IL2RB: variants seen among roughly 807,000 people sequenced by gnomAD.
IL2RB encodes interleukin-2 receptor subunit beta.
IL2RB carries 17 observed loss-of-function variants against 44.2 expected under a neutral mutation model. The observed-to-expected ratio is 0.38, with a 90% CI of 0.26 to 0.58. The LOEUF (loss-of-function observed/expected upper bound fraction) is 0.58, where lower values mean the gene tolerates loss of function less well. Ranked by LOEUF, IL2RB falls within the 20% of genes least tolerant of loss-of-function variation. The pLI, the probability that IL2RB is intolerant of heterozygous loss-of-function variation, is 0.63. For synonymous variants in IL2RB, 286 were observed against 297.9 expected (o/e 0.96, Z 0.41); for missense variants, 624 against 685.5 (o/e 0.91, Z 1.00).
chr22:37,131,487 C>T (rs1041120136), intron 9 of IL2RB, among the ~76,000 whole-genome samples: 15 of 152,298 alleles, frequency 9.8e-5, no homozygotes, highest in African/African-American at 3.6e-4. Flanking sequence ...GAGGAGACGA[C>T]GGAATCTGAG....
At chr22:37,153,678 G>T (rs924598105), upstream of IL2RB, among the ~76,000 whole-genome samples, 4 of 152,178 alleles carry the variant, frequency 2.6e-5, no homozygotes, top group African/African-American at 7.2e-5. Context: ...AGCTTTGCAA[G>T]AAATTAGGAA....
chr22:37,155,305 G>C (rs2146258301), intron 1 of IL2RB, among the ~76,000 whole-genome samples: 1 of 152,218 alleles, frequency 6.6e-6, no homozygotes, highest in African/African-American at 2.4e-5. Context: ...TGACTCTCTG[G>C]TCTGTTCTCC....
chr22:37,127,625 A>AG lies in IL2RB; in HGVS notation c.*470dup, dbSNP rs1213150207. ...GGGACCTGTGCAAGGTTTTGAACCG[A>AG]GGGGGAGCGTGGCCATATTTGGGTT... On this transcript the variant is annotated 3_prime_UTR_variant, in exon 10 of 10. Transcript: ENST00000216223. The AG allele has an allele frequency of 1.3e-5, 2 of 152,908 alleles. No homozygotes were observed. Among genetic ancestry groups the AG allele is most frequent in the East Asian group, 3.8e-4 (2 of 5,208 alleles). 9.5% of individuals were successfully genotyped at this position (152,908 alleles called of 1,614,324 possible).
chr22:37,152,472 C>T (rs1022173015), upstream of IL2RB, among the ~76,000 whole-genome samples: 1 of 152,100 alleles, frequency 6.6e-6, no homozygotes, highest in Non-Finnish European at 1.5e-5. Context: ...TTTGTGGTGG[C>T]GTTTTTAGGC....
rs10605445 is a variant in IL2RB at position 37,160,679 on chromosome 22, C to CAAAAAAAAAAAAAAAAAAAAA, written c.-34+14278_-34+14279insTTTTTTTTTTTTTTTTTTTTT. Among the ~76,000 whole-genome samples the CAAAAAAAAAAAAAAAAAAAAA allele has an allele frequency of 3.3e-4, 45 of 136,030 alleles. 1 individual carries two copies. The highest frequency in any genetic ancestry group is 1.2e-3 in the African/African-American group (42 of 34,418). 89.2% of individuals were successfully genotyped at this position (136,030 alleles called of 152,430 possible). On this transcript the variant is annotated intron_variant, in intron 1 of 5. Transcript: ENST00000429622. ...CAACATGCCGAAACCCTGTCTATGC[C>CAAAAAAAAAAAAAAAAAAAAA]AAAAAAAAAAAAAAAAAAATTTAGC...
chr22:37,166,197 C>T (rs1449891379), intron 1 of IL2RB, among the ~76,000 whole-genome samples: 1 of 152,228 alleles, frequency 6.6e-6, no homozygotes, highest in African/African-American at 2.4e-5. Flanking sequence ...AATGCCCCTG[C>T]TACTGGGGGG....
intron 1 of IL2RB, among the ~76,000 whole-genome samples, chr22:37,162,430 TA>T (rs1402314737): frequency 6.6e-6 from 1 of 152,172 alleles, no homozygotes; most frequent in Non-Finnish European, 1.5e-5. Flanking sequence ...GAAGGCTACC[TA>T]AATGCGCACT....
chr22:37,161,444 A>C (rs138594745), intron 1 of IL2RB, among the ~76,000 whole-genome samples: 1 of 152,256 alleles, frequency 6.6e-6, no homozygotes, highest in African/African-American at 2.4e-5. Flanking sequence ...AGTAAGCTGA[A>C]ACTGCTTTTC....
At chr22:37,132,107 T>C (rs961300217) in intron 9 of IL2RB, among the ~76,000 whole-genome samples, 8 of 152,156 alleles carry the variant, frequency 5.3e-5, no homozygotes, top group African/African-American at 1.7e-4. Flanking sequence ...AACACTGTTT[T>C]TCTCCTCATC....
At chr22:37,159,190 T>C (rs934934850) in intron 1 of IL2RB, among the ~76,000 whole-genome samples, 8 of 152,190 alleles carry the variant, frequency 5.3e-5, no homozygotes, top group African/African-American at 1.9e-4. Flanking sequence ...GTTTGAAAAG[T>C]GTCTGTGAGA....
chr22:37,165,701 AATTTAATTTT>A (rs1260374740), intron 1 of IL2RB, among the ~76,000 whole-genome samples: 91 of 130,352 alleles, frequency 7.0e-4, no homozygotes, highest in African/African-American at 2.7e-3. Context: ...AATTTAATTT[AATTTAATTTT>A]ATTATTGTTT....
At position 37,135,399 on chromosome 22, in the gene IL2RB, C is replaced by T. The variant is rs753366559; in HGVS notation, c.747G>A (p.Val249=). 8 of 1,613,866 alleles carry T rather than the reference C, an allele frequency of 5.0e-6. No homozygotes were observed. The highest frequency in any genetic ancestry group is 1.1e-5 in the South Asian group (1 of 91,082). ...TGAAGCCAAAAGCCCCGCTGAGGCCCACGAGGAGGTGGCCGAGCCACGGAA... is the reference window on the plus strand; with the variant it reads ...TGAAGCCAAAAGCCCCGCTGAGGCCTACGAGGAGGTGGCCGAGCCACGGAA... The part of the protein sequence containing the change: ...DTIPWLGHLL[V]GLSGAFGFII... The change falls in exon 8 of 10, where the codon GTG becomes GTA. Residue 249 remains valine (V), a synonymous_variant. Transcript: ENST00000216223.
intron 6 of IL2RB, among the ~76,000 whole-genome samples, chr22:37,137,007 TTGA>T (rs1921741066): frequency 1.3e-5 from 2 of 152,202 alleles, no homozygotes; most frequent in Non-Finnish European, 2.9e-5. Context: ...TTGGGTTTTC[TTGA>T]TGGAACTTAT....
chr22:37,129,493 A>G (rs1921316561), intron 9 of IL2RB, among the ~76,000 whole-genome samples: 1 of 146,092 alleles, frequency 6.8e-6, no homozygotes, highest in Non-Finnish European at 1.5e-5. Flanking sequence ...GAGAGAGGAA[A>G]GTGCCCATCA....
intron 1 of IL2RB, among the ~76,000 whole-genome samples, chr22:37,156,276 C>T (rs567353984): frequency 2.0e-5 from 3 of 152,334 alleles, no homozygotes; most frequent in South Asian, 2.1e-4. Context: ...TCAGCTCACC[C>T]GCGTGCTGCC....
intron 1 of IL2RB, among the ~76,000 whole-genome samples, chr22:37,162,714 G>GA (rs1569053867): frequency 6.6e-6 from 1 of 152,024 alleles, no homozygotes; most frequent in Non-Finnish European, 1.5e-5. Context: ...CCAAATCCCT[G>GA]ACCCCCACCC....
At chr22:37,146,545 C>G (rs967254701) in intron 1 of IL2RB, among the ~76,000 whole-genome samples, 1 of 152,232 alleles carries the variant, frequency 6.6e-6, no homozygotes, top group African/African-American at 2.4e-5. Context: ...GGGTCCCCTA[C>G]AGATCCTGCC....
intron 1 of IL2RB, among the ~76,000 whole-genome samples, chr22:37,156,681 G>A (rs563284416): frequency 7.9e-5 from 12 of 152,344 alleles, no homozygotes; most frequent in African/African-American, 1.9e-4. Flanking sequence ...CATTGGCTAC[G>A]CCTGAGTCAC....
intron 4 of IL2RB, among the ~76,000 whole-genome samples, chr22:37,140,447 C>T (rs1413772689): frequency 6.6e-6 from 1 of 152,116 alleles, no homozygotes; most frequent in Admixed American, 6.5e-5. Flanking sequence ...AACTTGGGCA[C>T]AGGCACTGTC....
Sources: gnomAD v4.1 joint callset for allele counts (sites outside exome capture counted in the v4.1 genomes callset) on GRCh38, gnomAD v4.1.1 for gene constraint, MANE v1.5 for transcripts, NCBI Gene and HGNC (gene_info 2026-07-23, HGNC 2026-07-21) for gene names.